The following MTOR variants were observed in gnomAD, a reference collection of about 807,000 sequenced individuals.
MTOR encodes the protein serine/threonine-protein kinase mTOR.
MTOR carries 70 observed loss-of-function variants against 319.8 expected under a neutral mutation model. The observed-to-expected ratio is 0.22, with a 90% CI of 0.18 to 0.27. The LOEUF (loss-of-function observed/expected upper bound fraction) is 0.27, where lower values mean the gene tolerates loss of function less well. MTOR is among the 10% of genes least tolerant of loss of function. MTOR has a pLI of 1.00. For synonymous variants in MTOR, 1,183 were observed against 1,211.4 expected, an observed-to-expected ratio of 0.98 and a Z score of 0.49; for missense variants, 1,890 against 3,274.4, an observed-to-expected ratio of 0.58 and a Z score of 10.32.
chr1:11,111,205 G>T, intron 54 of MTOR: 2 of 454,274 alleles, frequency 4.4e-6, no homozygotes, highest in Non-Finnish European at 8.9e-6. Flanking sequence ...TTGGCAAGGT[G>T]GGGTGGCTCA....
chr1:11,175,835 C>T (rs1644970261), intron 28 of MTOR, among the ~76,000 whole-genome samples: 1 of 151,950 alleles, frequency 6.6e-6, no homozygotes, highest in African/African-American at 2.4e-5. Flanking sequence ...ACCTCTGCCT[C>T]CCAGGCTCAA....
rs1481815766 is a variant in MTOR, at chr1:11,107,412, T to G, written c.*73A>C. On this transcript the variant is annotated 3_prime_UTR_variant, in exon 58 of 58. Transcript: ENST00000361445. ...AAAGTCAAACTTTCTCACCATGGTT[T>G]CAGTTTAGTGGAAGCATTTACTAAA... 2 of 1,577,548 alleles carry G rather than the reference T, an allele frequency of 1.3e-6. No individual in the cohort carries two copies. The highest frequency in any genetic ancestry group is 2.1e-5 in the Admixed American group (1 of 47,604).
intron 28 of MTOR, among the ~76,000 whole-genome samples, chr1:11,187,006 A>G (rs188562702): frequency 9.7e-4 from 147 of 152,292 alleles, no homozygotes; most frequent in Admixed American, 2.4e-3. Flanking sequence ...TTCCAATACA[A>G]ACTTACGAAC....
Position 11,204,611 on chromosome 1 carries a change from G to C in MTOR, c.3894C>G (p.Pro1298=), listed in dbSNP as rs368485954. ...CCAGGGCCCAGCAGGAGCGCAGGGA[G>C]GGCGATGATGAGTCCTTCAGCAGCT... ...SLELLKDSSS[P]SLRSCWALAQ... The change falls in exon 26 of 58, where the codon CCC becomes CCG. Residue 1298 remains proline, a synonymous_variant. Coordinates refer to ENST00000361445, the MANE Select transcript of MTOR (RefSeq NM_004958.4). 17 of 1,614,128 alleles carry C rather than the reference G, an allele frequency of 1.1e-5. No homozygotes were observed. Among genetic ancestry groups the C allele is most frequent in the Admixed American group, 1.7e-5 (1 of 60,016 alleles).
chr1:11,220,046 G>A (rs12031403), intron 19 of MTOR, among the ~76,000 whole-genome samples: 63,749 of 99,602 alleles, frequency 0.64, 20,273 homozygotes, highest in East Asian at 0.83. Context: ...AAAAAAAAAA[G>A]AAAAGAAAAG....
intron 5 of MTOR, 64 bp downstream of exon 5, chr1:11,255,928 T>C (rs1276411987): frequency 1.3e-5 from 20 of 1,509,796 alleles, no homozygotes; most frequent in Non-Finnish European, 1.7e-5. Flanking sequence ...GGCTGCCCTT[T>C]AGGCCAGGTG....
intron 47 of MTOR, among the ~76,000 whole-genome samples, chr1:11,122,816 A>G (rs1234689003): frequency 6.6e-6 from 1 of 151,940 alleles, no homozygotes; most frequent in East Asian, 1.9e-4. Flanking sequence ...GGCCCTGACT[A>G]TTTTTAATGA....
intron 28 of MTOR, among the ~76,000 whole-genome samples, chr1:11,169,287 T>C (rs577044427): frequency 6.6e-6 from 1 of 152,322 alleles, no homozygotes; most frequent in South Asian, 2.1e-4. Context: ...CATCACTTCT[T>C]TGACCCCATG....
intron 28 of MTOR, among the ~76,000 whole-genome samples, chr1:11,171,050 C>T (rs1328867133): frequency 6.6e-6 from 1 of 150,888 alleles, no homozygotes; most frequent in East Asian, 2.0e-4. Flanking sequence ...CAAAAATTAG[C>T]TGGGCGTGGT....
intron 26 of MTOR, 62 bp downstream of exon 26, chr1:11,204,499 A>C (rs1646076318): frequency 1.3e-6 from 2 of 1,505,734 alleles, no homozygotes; most frequent in Admixed American, 4.3e-5. Context: ...TCTAATAAAA[A>C]CTAATTTGTA....
chr1:11,183,492 T>G (rs956470323), intron 28 of MTOR, among the ~76,000 whole-genome samples: 9 of 152,170 alleles, frequency 5.9e-5, no homozygotes, highest in African/African-American at 2.2e-4. Flanking sequence ...ATAAGAGTTC[T>G]TTATACACTC....
At chr1:11,138,594 C>G (rs1643541401) in intron 36 of MTOR, among the ~76,000 whole-genome samples, 1 of 152,220 alleles carries the variant, frequency 6.6e-6, no homozygotes, top group South Asian at 2.1e-4. Flanking sequence ...ATTCCTCTCT[C>G]ATCTCAGGTA....
chr1:11,198,037 G>A (rs908628449), intron 28 of MTOR, among the ~76,000 whole-genome samples: 1 of 152,164 alleles, frequency 6.6e-6, no homozygotes, highest in Non-Finnish European at 1.5e-5. Flanking sequence ...AATTAAGGGT[G>A]GAATTGGGAA....
chr1:11,200,998 G>C (rs1028835878), intron 26 of MTOR, among the ~76,000 whole-genome samples: 1 of 149,916 alleles, frequency 6.7e-6, no homozygotes, highest in Non-Finnish European at 1.5e-5. Flanking sequence ...CTGGGCAACA[G>C]AGCGAGACTC....
chr1:11,136,141 A>G (rs1643407909), intron 36 of MTOR, among the ~76,000 whole-genome samples: 1 of 152,204 alleles, frequency 6.6e-6, no homozygotes, highest in South Asian at 2.1e-4. Flanking sequence ...TCTCAAAAAA[A>G]CAAACAAACA....
chr1:11,228,113 G>A (rs1415991449), intron 19 of MTOR, among the ~76,000 whole-genome samples: 1 of 151,962 alleles, frequency 6.6e-6, no homozygotes, highest in Admixed American at 6.6e-5. Flanking sequence ...TTTTCTATTT[G>A]TGGGGCATCT....
In MTOR at chr1:11,122,114, G is replaced by T. The variant is rs185523638; in HGVS notation, c.6675C>A (p.Tyr2225Ter). 6.2e-7 allele frequency: 1 copy of T among 1,614,232 alleles called. No individual in the cohort carries two copies. The highest frequency in any genetic ancestry group is 8.5e-7 in the Non-Finnish European group (1 of 1,180,034). ...AGTTGGTCGATAAAGGGATGACAGC[G>T]TATCTCTGGATGCTGGCGCCCACAG... is the stretch of plus-strand genomic sequence containing the variant. ...SLRKNLSIQR[Y>*]AVIPLSTNSG... The change falls in exon 48 of 58, where the codon TAC becomes TAA. Residue 2225 changes from tyrosine (Y) to a stop codon, truncating the protein, a stop_gained. Transcript: ENST00000361445. LOFTEE classifies it high-confidence loss of function.
intron 19 of MTOR, among the ~76,000 whole-genome samples, chr1:11,222,867 A>G (rs1569640126): frequency 1.3e-5 from 2 of 152,280 alleles, no homozygotes; most frequent in East Asian, 1.9e-4. Flanking sequence ...AATGACTGGG[A>G]AAAAGGCTGA....
chr1:11,157,544 C>G (rs553228959), intron 29 of MTOR, among the ~76,000 whole-genome samples: 21 of 152,342 alleles, frequency 1.4e-4, no homozygotes, highest in African/African-American at 4.8e-4. Flanking sequence ...TCAGGCCATA[C>G]TCCTCCCCCA....
Sources: allele counts gnomAD v4.1 joint callset (sites outside exome capture counted in the v4.1 genomes callset), GRCh38; gene constraint gnomAD v4.1.1; transcripts MANE v1.5; gene names NCBI Gene and HGNC (gene_info 2026-07-23, HGNC 2026-07-21).